PTPRG: variants seen among roughly 807,000 people sequenced by gnomAD.
PTPRG encodes protein tyrosine phosphatase receptor type G.
In PTPRG, 102 loss-of-function variants were observed where a neutral mutation model predicts 165.3. The observed-to-expected ratio is 0.62, with a 90% CI of 0.53 to 0.73. The LOEUF (loss-of-function observed/expected upper bound fraction) is 0.73, where lower values mean the gene tolerates loss of function less well. PTPRG is among the 30% of genes least tolerant of loss of function. The pLI, the probability that PTPRG is intolerant of heterozygous loss-of-function variation, is 0.00. For missense variants in PTPRG, 1,866 were observed against 1,861.4 expected (o/e 1.00, Z -0.05); for synonymous variants, 675 against 669.5 (o/e 1.01, Z -0.13).
chr3:62,263,164 A>G (rs1382699737), intron 17 of PTPRG: 1 of 325,828 alleles, frequency 3.1e-6, no homozygotes. Context: ...AAGTGATGTC[A>G]TATCACATGT....
intron 8 of PTPRG, among the ~76,000 whole-genome samples, chr3:62,174,327 A>G (rs1705332284): frequency 6.6e-6 from 1 of 152,252 alleles, no homozygotes; most frequent in South Asian, 2.1e-4. Flanking sequence ...TGATGGCTTA[A>G]TTAAAATGAC....
intron 3 of PTPRG, 107 bp downstream of exon 3, chr3:61,989,911 G>A: frequency 8.1e-7 from 1 of 1,231,490 alleles, no homozygotes; most frequent in Non-Finnish European, 1.1e-6. Flanking sequence ...GCACATTGCT[G>A]TGGGGAGCCT....
chr3:61,594,665 T>G (rs555228478), intron 1 of PTPRG, among the ~76,000 whole-genome samples: 2 of 152,322 alleles, frequency 1.3e-5, no homozygotes, highest in Admixed American at 1.3e-4. Flanking sequence ...GTGTACTTTG[T>G]GCCAGGTCCT....
At chr3:61,896,038 G>C (rs2107510407) in intron 2 of PTPRG, among the ~76,000 whole-genome samples, 1 of 152,192 alleles carries the variant, frequency 6.6e-6, no homozygotes, top group East Asian at 1.9e-4. Context: ...CAGATTTCCT[G>C]ATTTTAATTT....
chr3:61,796,750 A>C (rs1418626087), intron 2 of PTPRG, among the ~76,000 whole-genome samples: 4 of 152,122 alleles, frequency 2.6e-5, no homozygotes, highest in Non-Finnish European at 2.9e-5. Context: ...TTTGCCCCTT[A>C]ATATGTTTAT....
chr3:61,738,318 A>ATGTG lies in PTPRG; in HGVS notation c.86-10559_86-10558insGTGT, dbSNP rs1559583449. Reference sequence around the variant, plus strand: ...TATATATATATATATATATACATATATATATATATATATATATATGTATAT... The same window carrying ATGTG: ...TATATATATATATATATATACATATATGTGTATATATATATATATATATGTATAT... On this transcript the variant is annotated intron_variant, in intron 1 of 29. Coordinates refer to ENST00000474889, the MANE Select transcript of PTPRG (RefSeq NM_002841.4). Among the ~76,000 whole-genome samples the ATGTG allele has an allele frequency of 2.5e-4, 24 of 96,980 alleles. 1 individual carries two copies. The highest frequency in any genetic ancestry group is 1.0e-3 in the South Asian group (3 of 2,944). The allele number at this position is 96,980 out of a possible 152,430, so 63.6% of individuals were successfully genotyped here.
chr3:61,792,797 C>T (rs573372766), intron 2 of PTPRG, among the ~76,000 whole-genome samples: 1 of 151,426 alleles, frequency 6.6e-6, no homozygotes, highest in African/African-American at 2.4e-5. Context: ...GGCGTGATCT[C>T]GGCTCACTGC....
At chr3:61,781,306 A>C (rs1445832213) in intron 2 of PTPRG, among the ~76,000 whole-genome samples, 1 of 152,248 alleles carries the variant, frequency 6.6e-6, no homozygotes, top group Admixed American at 6.5e-5. Context: ...TGTGCTTTTC[A>C]GATAAAACGT....
chr3:61,928,743 AG>A (rs2039287085), intron 2 of PTPRG, among the ~76,000 whole-genome samples: 1 of 152,146 alleles, frequency 6.6e-6, no homozygotes, highest in Non-Finnish European at 1.5e-5. Flanking sequence ...ACTGGAGATA[AG>A]GGGGATGAAA....
Position 61,817,182 on chromosome 3 carries a change from A to G in PTPRG, c.190+68200A>G, listed in dbSNP as rs1177890232. Among the ~76,000 whole-genome samples, 3 of 120,270 alleles carry G rather than the reference A, an allele frequency of 2.5e-5. No individual in the cohort carries two copies. In the Admixed American group the frequency reaches 3.0e-4, roughly 12 times the overall value. 78.9% of individuals were successfully genotyped at this position (120,270 alleles called of 152,430 possible). A position where few individuals can be genotyped will look rare whatever the true frequency, so the allele number is the denominator to read the frequency against. On this transcript the variant is annotated intron_variant, in intron 2 of 29. Coordinates refer to ENST00000474889, the MANE Select transcript of PTPRG (RefSeq NM_002841.4). The stretch of plus-strand genomic sequence containing the variant: ...TATATAATATATAATAATATATAAT[A>G]TATAAAATAATATATATAATAATAT...
intron 2 of PTPRG, among the ~76,000 whole-genome samples, chr3:61,833,338 A>T (rs146216282): frequency 2.6e-5 from 4 of 152,162 alleles, no homozygotes; most frequent in African/African-American, 9.7e-5. Context: ...GATATAGCAA[A>T]TCTGCTTAAA....
Position 62,003,411 on chromosome 3 carries a change from G to T in PTPRG, c.433G>T (p.Ala145Ser), listed in dbSNP as rs749642322. The T allele has an allele frequency of 2.5e-6, 4 of 1,614,078 alleles. No homozygotes were observed. In the Admixed American group the frequency reaches 5.0e-5, roughly 20 times the overall value. Residue 145 changes from alanine to serine, a missense_variant, in exon 4 of 30, where the codon GCT (alanine) becomes TCT (serine). Physicochemically the swap from Ala to Ser is moderately conservative, Grantham distance 99. Coordinates refer to ENST00000474889, the MANE Select transcript of PTPRG (RefSeq NM_002841.4). ...SGAGLPGRFK[A>S]EKVEFHWGHS... ...AGCTGGTCTACCTGGCAGATTCAAA[G>T]CTGAGAAGGTGGAATTTCACTGGGG... is the stretch of plus-strand genomic sequence containing the variant.
At chr3:61,612,872 TG>T (rs1701210371) in intron 1 of PTPRG, among the ~76,000 whole-genome samples, 1 of 151,872 alleles carries the variant, frequency 6.6e-6, no homozygotes, top group South Asian at 2.1e-4. Context: ...TGTGTGTGTG[TG>T]TGTGTGTGTG....
rs556425103 is a variant in PTPRG at position 62,195,607 on chromosome 3, C to T, written c.1327+437C>T. Among the ~76,000 whole-genome samples the T allele has an allele frequency of 2.0e-5, 3 of 152,202 alleles. No homozygotes were observed. Among genetic ancestry groups the T allele is most frequent in the South Asian group, 4.2e-4 (2 of 4,802 alleles). The stretch of plus-strand genomic sequence containing the variant: ...CCGACTTGCAAGCCACACAAACAAG[C>T]GCCTGCATGCAGGATCCTTGAGATT... On this transcript the variant is annotated intron_variant, in intron 10 of 29. Coordinates refer to ENST00000474889, the MANE Select transcript of PTPRG (RefSeq NM_002841.4). The surrounding 1 kb of genome is among the most constrained non-coding windows in gnomAD (Gnocchi z 4.4).
intron 1 of PTPRG, among the ~76,000 whole-genome samples, chr3:61,576,792 T>C (rs141575933): frequency 1.3e-5 from 2 of 152,214 alleles, no homozygotes; most frequent in African/African-American, 4.8e-5. Flanking sequence ...TTGACTCACA[T>C]TTGTTTATTC....
At chr3:62,107,757 C>T (rs930987723) in intron 5 of PTPRG, among the ~76,000 whole-genome samples, 27 of 152,284 alleles carry the variant, frequency 1.8e-4, no homozygotes, top group African/African-American at 6.3e-4. Context: ...TTGATTCATC[C>T]ATTCATTCAT....
At chr3:61,588,737 C>T (rs1437686615) in intron 1 of PTPRG, among the ~76,000 whole-genome samples, 2 of 152,182 alleles carry the variant, frequency 1.3e-5, no homozygotes, top group East Asian at 1.9e-4. Context: ...TGAGCCGCCG[C>T]GCCCGGCCCT....
intron 2 of PTPRG, among the ~76,000 whole-genome samples, chr3:61,950,231 T>C (rs2039867220): frequency 6.6e-6 from 1 of 152,180 alleles, no homozygotes; most frequent in South Asian, 2.1e-4. Flanking sequence ...CACATTCTTT[T>C]CCCCCAGCTC....
chr3:61,945,001 C>T (rs937351962), intron 2 of PTPRG, among the ~76,000 whole-genome samples: 4 of 152,222 alleles, frequency 2.6e-5, no homozygotes, highest in African/African-American at 4.8e-5. Context: ...ATGCAAGTTG[C>T]GTGTGTCATG....
Sources: allele counts gnomAD v4.1 joint callset (sites outside exome capture counted in the v4.1 genomes callset), GRCh38; gene constraint gnomAD v4.1.1; non-coding constraint Gnocchi (gnomAD v3.1); transcripts MANE v1.5; gene names NCBI Gene and HGNC (gene_info 2026-07-23, HGNC 2026-07-21).